MALRD1: variants seen among roughly 807,000 people sequenced by gnomAD.
MALRD1 encodes MAM and LDL receptor class A domain containing 1.
MALRD1 carries 247 observed loss-of-function variants against 242.1 expected under a neutral mutation model. The ratio of observed to expected loss-of-function variants is 1.02; its 90% CI spans 0.92 to 1.13. The LOEUF (loss-of-function observed/expected upper bound fraction) is 1.13, where lower values mean the gene tolerates loss of function less well. Ranked by LOEUF, MALRD1 falls within the 50% of genes most tolerant of loss-of-function variation. The probability of loss-of-function intolerance (pLI) is 0.00; values close to 1 mark genes in which losing one functional copy is unlikely to be tolerated. For missense variants in MALRD1, 2,989 were observed against 2,533.1 expected (o/e 1.18, Z -3.86); for synonymous variants, 995 against 866.6 (o/e 1.15, Z -2.60).
chr10:19,327,205 A>T (rs955171003), intron 22 of MALRD1, among the ~76,000 whole-genome samples: 19 of 152,078 alleles, frequency 1.2e-4, no homozygotes, highest in Admixed American at 2.6e-4. Flanking sequence ...AAGCAATTCC[A>T]TACTTTCTCA....
rs527860703 is a variant in MALRD1 at position 19,460,714 on chromosome 10, A to G, written c.5029+10224A>G. ...AAACAGTGGGGGTGGATGGGAGGCAAGGACCCTTGAGGTAAACATAGTATA... is the reference window on the plus strand; with the variant it reads ...AAACAGTGGGGGTGGATGGGAGGCAGGGACCCTTGAGGTAAACATAGTATA... On this transcript the variant is annotated intron_variant, in intron 29 of 39. Transcript: ENST00000454679. Among the ~76,000 whole-genome samples the G allele has an allele frequency of 3.8e-4, 58 of 152,276 alleles. 1 individual carries two copies. In the South Asian group the frequency reaches 0.011, roughly 28 times the overall value.
At chr10:19,668,373 A>T (rs971949579) in intron 36 of MALRD1, among the ~76,000 whole-genome samples, 4 of 152,184 alleles carry the variant, frequency 2.6e-5, no homozygotes, top group Non-Finnish European at 4.4e-5. Flanking sequence ...GCATGCACCA[A>T]GAAAGGGAGG....
At chr10:19,673,286 C>A (rs1046988008) in intron 36 of MALRD1, among the ~76,000 whole-genome samples, 7 of 152,120 alleles carry the variant, frequency 4.6e-5, no homozygotes, top group African/African-American at 1.7e-4. Flanking sequence ...TCTCAGGAGG[C>A]TGAGGCAGGA....
intron 36 of MALRD1, among the ~76,000 whole-genome samples, chr10:19,642,442 A>T (rs541843995): frequency 3.9e-5 from 6 of 152,340 alleles, no homozygotes; most frequent in African/African-American, 1.4e-4. Flanking sequence ...GTCTGCCTGC[A>T]TAGTTGACCC....
At chr10:19,694,737 G>A (rs4418689) in intron 38 of MALRD1, among the ~76,000 whole-genome samples, 65,097 of 151,922 alleles carry the variant, frequency 0.43, 14,161 homozygotes, top group Non-Finnish European at 0.46. Context: ...TACCCAAAGG[G>A]ATATAAATCA....
At chr10:19,239,746 T>C (rs1366651362) in intron 18 of MALRD1, among the ~76,000 whole-genome samples, 2 of 152,148 alleles carry the variant, frequency 1.3e-5, no homozygotes, top group African/African-American at 4.8e-5. Context: ...TACCATTTAA[T>C]GAAGAGACTG....
intron 34 of MALRD1, among the ~76,000 whole-genome samples, chr10:19,596,202 A>C (rs928505535): frequency 2.6e-5 from 4 of 152,194 alleles, no homozygotes; most frequent in Non-Finnish European, 5.9e-5. Context: ...TTAGGTAAGA[A>C]GTAATTACAC....
intron 21 of MALRD1, among the ~76,000 whole-genome samples, chr10:19,292,338 A>G (rs1282150928): frequency 6.6e-6 from 1 of 152,080 alleles, no homozygotes; most frequent in East Asian, 1.9e-4. Flanking sequence ...TACCAATCTC[A>G]TGATTACCTG....
chr10:19,674,975 CTT>C (rs143541384), intron 36 of MALRD1, among the ~76,000 whole-genome samples: 4,336 of 149,268 alleles, frequency 0.029, 199 homozygotes, highest in African/African-American at 0.09. Flanking sequence ...TTTAAAAAAA[CTT>C]TTTTTTAGTA....
Position 19,110,537 on chromosome 10 carries a change from T to C in MALRD1, c.694+6462T>C, listed in dbSNP as rs139341580. Among the ~76,000 whole-genome samples, 949 of 152,332 alleles carry C rather than the reference T, an allele frequency of 6.2e-3. 7 individuals are homozygous for C. The highest frequency in any genetic ancestry group is 0.024 in the Middle Eastern group (7 of 294). ...GTCGTCCTCAATGCTGTTTCACTAT[T>C]AGAAAATAACATTTATTGGACTTAT... On this transcript the variant is annotated intron_variant, in intron 5 of 39. Transcript: ENST00000454679.
At chr10:19,170,304 CCTAA>C (rs1564439083) in intron 13 of MALRD1, among the ~76,000 whole-genome samples, 1 of 152,066 alleles carries the variant, frequency 6.6e-6, no homozygotes, top group Non-Finnish European at 1.5e-5. Flanking sequence ...TTCTTTTCCC[CCTAA>C]CTATTGTGCT....
intron 28 of MALRD1, among the ~76,000 whole-genome samples, chr10:19,427,705 G>A (rs898450356): frequency 4.1e-4 from 62 of 151,984 alleles, no homozygotes; most frequent in East Asian, 5.8e-4. Flanking sequence ...TATTATTGGC[G>A]TTATATAGAC....
chr10:19,316,736 T>C (rs1842723032), intron 21 of MALRD1, among the ~76,000 whole-genome samples: 1 of 151,702 alleles, frequency 6.6e-6, no homozygotes, highest in Non-Finnish European at 1.5e-5. Context: ...GTTGAACTCA[T>C]GGAGATACAG....
Position 19,091,719 on chromosome 10 carries a change from A to G in MALRD1, c.597+3534A>G, listed in dbSNP as rs1334929408. Among the ~76,000 whole-genome samples, 233 of 87,158 alleles carry G rather than the reference A, an allele frequency of 2.7e-3. 42 individuals are homozygous for G. Among genetic ancestry groups the G allele is most frequent in the African/African-American group, 0.011 (213 of 19,058 alleles). 57.2% of individuals were successfully genotyped at this position (87,158 alleles called of 152,430 possible). On this transcript the variant is annotated intron_variant, in intron 4 of 39. Transcript: ENST00000454679. ...TTGGATCTTTCCTGCTTTCTCTTGT[A>G]GGCATTTAGTGCTATAAATTTCCCT...
intron 26 of MALRD1, among the ~76,000 whole-genome samples, chr10:19,376,757 T>G (rs903123212): frequency 2.3e-4 from 35 of 151,872 alleles, no homozygotes; most frequent in African/African-American, 8.5e-4. Flanking sequence ...TTCCCCATCT[T>G]TATTAGAGAC....
At chr10:19,525,115 A>C (rs2358413) in intron 31 of MALRD1, among the ~76,000 whole-genome samples, 1 of 148,842 alleles carries the variant, frequency 6.7e-6, no homozygotes, top group Non-Finnish European at 1.5e-5. Flanking sequence ...GGGTTTCCCT[A>C]TGTTGGTCAG....
chr10:19,561,769 G>T (rs1033717981), intron 32 of MALRD1, among the ~76,000 whole-genome samples: 2 of 151,680 alleles, frequency 1.3e-5, no homozygotes, highest in African/African-American at 4.9e-5. Context: ...GGAATGCCTG[G>T]AACTGGTTAT....
chr10:19,697,540 A>G (rs1252443980), intron 38 of MALRD1, among the ~76,000 whole-genome samples: 2 of 152,152 alleles, frequency 1.3e-5, no homozygotes, highest in African/African-American at 4.8e-5. Context: ...GTTAACACAA[A>G]AAGTTTACTT....
At position 19,123,803 on chromosome 10, in the gene MALRD1, T is replaced by A. The variant is rs141141659; in HGVS notation, c.796+210T>A. 1.7e-3 allele frequency among the ~76,000 whole-genome samples: 258 copies of A among 152,300 alleles called. 3 individuals carry two copies. Among genetic ancestry groups the A allele is most frequent in the African/African-American group, 5.9e-3 (246 of 41,560 alleles). ...GAAACAAACTAAAGCCACTGTGGAATGATATGCAATGTTTCTTCTATAAAA... is the reference window on the plus strand; with the variant it reads ...GAAACAAACTAAAGCCACTGTGGAAAGATATGCAATGTTTCTTCTATAAAA... On this transcript the variant is annotated intron_variant, in intron 6 of 39. Transcript: ENST00000454679.
Sources: gnomAD v4.1 joint callset for allele counts (sites outside exome capture counted in the v4.1 genomes callset) on GRCh38, gnomAD v4.1.1 for gene constraint, MANE v1.5 for transcripts, NCBI Gene and HGNC (gene_info 2026-07-23, HGNC 2026-07-21) for gene names.